UBE2G1: variants seen among roughly 807,000 people sequenced by gnomAD.
UBE2G1 encodes ubiquitin conjugating enzyme E2 G1, also known as ubiquitin-conjugating enzyme E2 G1.
UBE2G1 carries 5 observed loss-of-function variants against 22.7 expected under a neutral mutation model. That is an observed-to-expected ratio of 0.22 (90% confidence interval 0.12 to 0.46). The LOEUF (loss-of-function observed/expected upper bound fraction) is 0.46, where lower values mean the gene tolerates loss of function less well. Ranked by LOEUF, UBE2G1 falls within the 20% of genes least tolerant of loss-of-function variation. The pLI, the probability that UBE2G1 is intolerant of heterozygous loss-of-function variation, is 0.99. For missense variants in UBE2G1, 88 were observed against 203.9 expected (o/e 0.43, Z 3.46); for synonymous variants, 74 against 67.5 (o/e 1.10, Z -0.47).
At chr17:4,350,608 A>G (rs566456803) in intron 1 of UBE2G1, among the ~76,000 whole-genome samples, 1 of 152,344 alleles carries the variant, frequency 6.6e-6, no homozygotes, top group East Asian at 1.9e-4. Flanking sequence ...TGCACCCAGC[A>G]ACTTAGACGT....
intron 3 of UBE2G1, among the ~76,000 whole-genome samples, chr17:4,295,720 T>A (rs1003683488): frequency 6.6e-6 from 1 of 152,024 alleles, no homozygotes; most frequent in African/African-American, 2.4e-5. Context: ...TTTATAAATA[T>A]AGCTTATCTG....
intron 1 of UBE2G1, among the ~76,000 whole-genome samples, chr17:4,335,925 CACTT>C (rs1969640381): frequency 1.3e-5 from 2 of 152,280 alleles, no homozygotes; most frequent in South Asian, 2.1e-4. Context: ...GCGGGAGGAT[CACTT>C]GAGGTCAGGA....
chr17:4,319,883 C>T (rs564014716), intron 1 of UBE2G1, among the ~76,000 whole-genome samples: 156 of 152,052 alleles, frequency 1.0e-3, no homozygotes, highest in African/African-American at 3.5e-3. Context: ...AACAGAAAAA[C>T]GCAGGTGAAA....
chr17:4,345,825 T>A lies in UBE2G1; in HGVS notation c.46+20446A>T, dbSNP rs1474434297. ...CAGCTTTAGTATGTAGATCCCCAAG[T>A]AAAAATAGAACAGATTCCAGGGACT... On this transcript the variant is annotated intron_variant, in intron 1 of 5. Coordinates refer to ENST00000396981, the MANE Select transcript of UBE2G1 (RefSeq NM_003342.5). The A allele has an allele frequency of 5.3e-5, 8 of 152,062 alleles. 1 individual carries two copies. In the East Asian group the frequency reaches 1.5e-3, roughly 29 times the overall value. 9.4% of individuals were successfully genotyped at this position (152,062 alleles called of 1,614,324 possible).
chr17:4,293,920 A>C (rs1309576937), intron 3 of UBE2G1, among the ~76,000 whole-genome samples: 4 of 152,220 alleles, frequency 2.6e-5, no homozygotes, highest in Non-Finnish European at 5.9e-5. Context: ...CCTCCCTGCT[A>C]TCTCTCTGAC....
At chr17:4,299,936 C>T (rs894546762) in intron 2 of UBE2G1, among the ~76,000 whole-genome samples, 14 of 151,510 alleles carry the variant, frequency 9.2e-5, no homozygotes, top group African/African-American at 3.1e-4. Context: ...AAGAGATTCT[C>T]CTGCCTCAGC....
rs1314422585 is a variant in UBE2G1, at chr17:4,327,681, T to C, written c.47-20558A>G. 2.0e-5 allele frequency among the ~76,000 whole-genome samples: 3 copies of C among 152,104 alleles called. No individual in the cohort carries two copies. The East Asian group carries it at 5.8e-4, about 29-fold the overall frequency. On this transcript the variant is annotated intron_variant, in intron 1 of 5. Coordinates refer to ENST00000396981, the MANE Select transcript of UBE2G1 (RefSeq NM_003342.5). Reference sequence around the variant, plus strand: ...AAAAGTCCAATATACATATCAGAAGTGTGGGACACATCAAATGGAAGCCAA... The same window carrying C: ...AAAAGTCCAATATACATATCAGAAGCGTGGGACACATCAAATGGAAGCCAA...
chr17:4,286,341 G>A (rs1238856710), intron 4 of UBE2G1, among the ~76,000 whole-genome samples: 8 of 151,494 alleles, frequency 5.3e-5, no homozygotes, highest in Admixed American at 3.9e-4. Context: ...GGAGGTGGAG[G>A]TTGCAGTGAG....
chr17:4,273,289 T>C (rs1168442163), intron 5 of UBE2G1, among the ~76,000 whole-genome samples: 1 of 152,254 alleles, frequency 6.6e-6, no homozygotes, highest in Non-Finnish European at 1.5e-5. Flanking sequence ...CAAGTTCACA[T>C]AGCCAATAAA....
intron 1 of UBE2G1, among the ~76,000 whole-genome samples, chr17:4,337,518 T>A (rs1409799508): frequency 1.6e-4 from 24 of 151,418 alleles, no homozygotes; most frequent in Non-Finnish European, 2.8e-4. Flanking sequence ...CCAGGTGCGG[T>A]GGCGCATGCC....
chr17:4,362,926 C>A (rs929690440), intron 1 of UBE2G1, among the ~76,000 whole-genome samples: 3 of 152,008 alleles, frequency 2.0e-5, no homozygotes, highest in African/African-American at 7.3e-5. Flanking sequence ...AGTTCGAGAC[C>A]AGCCTGGCCA....
intron 1 of UBE2G1, among the ~76,000 whole-genome samples, chr17:4,354,943 A>C (rs1439100114): frequency 1.3e-5 from 2 of 151,960 alleles, no homozygotes; most frequent in African/African-American, 4.8e-5. Flanking sequence ...TCAAAAGGAA[A>C]AATTAGCCAG....
chr17:4,289,580 G>C (rs73328744), intron 3 of UBE2G1, among the ~76,000 whole-genome samples, 172 bp from the exon 4 acceptor site: 206 of 152,290 alleles, frequency 1.4e-3, no homozygotes, highest in African/African-American at 4.9e-3. Flanking sequence ...CTATAGTATA[G>C]ATTGTACTAC....
chr17:4,289,130 C>T lies in UBE2G1; in HGVS notation c.426+100G>A, dbSNP rs199879486. 5.7e-6 allele frequency: 5 copies of T among 871,198 alleles called. No homozygotes were observed. Among genetic ancestry groups the T allele is most frequent in the East Asian group, 3.0e-5 (1 of 33,296 alleles). The allele number at this position is 871,198 out of a possible 1,614,324, so 54.0% of individuals were successfully genotyped here. ...ATACACACACACACACACACACACACGCATGCATACATTCATGCATACTTA... is the reference window on the plus strand; with the variant it reads ...ATACACACACACACACACACACACATGCATGCATACATTCATGCATACTTA... On this transcript the variant is annotated intron_variant, in intron 4 of 5. Coordinates refer to ENST00000396981, the MANE Select transcript of UBE2G1 (RefSeq NM_003342.5).
At chr17:4,347,460 GTATT>G (rs1278807422) in intron 1 of UBE2G1, among the ~76,000 whole-genome samples, 34 of 111,716 alleles carry the variant, frequency 3.0e-4, no homozygotes, top group African/African-American at 1.3e-3. Flanking sequence ...AATTCTCACA[GTATT>G]TCTTCTTTTT....
intron 1 of UBE2G1, among the ~76,000 whole-genome samples, chr17:4,318,559 T>C (rs976291047): frequency 2.6e-5 from 4 of 152,210 alleles, no homozygotes; most frequent in African/African-American, 7.2e-5. Context: ...TGCCCTTCTA[T>C]AAACTTAGTT....
chr17:4,283,611 T>G (rs1414199004), intron 4 of UBE2G1, among the ~76,000 whole-genome samples: 1 of 152,096 alleles, frequency 6.6e-6, no homozygotes, highest in Non-Finnish European at 1.5e-5. Context: ...GTGGGATGCA[T>G]CATATTGAGA....
At chr17:4,363,973 A>G (rs1309183209) in intron 1 of UBE2G1, among the ~76,000 whole-genome samples, 1 of 139,098 alleles carries the variant, frequency 7.2e-6, no homozygotes, top group African/African-American at 2.7e-5. Flanking sequence ...AAAAAAAAAA[A>G]AAAAGATGCA....
At chr17:4,285,445 A>G (rs1162122282) in intron 4 of UBE2G1, among the ~76,000 whole-genome samples, 1 of 152,216 alleles carries the variant, frequency 6.6e-6, no homozygotes, top group South Asian at 2.1e-4. Flanking sequence ...TCAATCAAGT[A>G]TAAGGGAAAA....
Sources: gnomAD v4.1 joint callset for allele counts (sites outside exome capture counted in the v4.1 genomes callset) on GRCh38, gnomAD v4.1.1 for gene constraint, MANE v1.5 for transcripts, NCBI Gene and HGNC (gene_info 2026-07-23, HGNC 2026-07-21) for gene names.